The following SNX13 variants were observed in gnomAD, a reference collection of about 807,000 sequenced individuals.
SNX13 encodes the protein sorting nexin 13.
A neutral mutation model predicts 133.6 loss-of-function variants in SNX13; 45 were observed. The observed-to-expected ratio is 0.34, with a 90% CI of 0.27 to 0.43. The LOEUF (loss-of-function observed/expected upper bound fraction) is 0.43, where lower values mean the gene tolerates loss of function less well. Among genes scored for constraint, SNX13 ranks in the 20% least tolerant of loss-of-function variants. The pLI, the probability that SNX13 is intolerant of heterozygous loss-of-function variation, is 1.00. For synonymous variants in SNX13, 414 were observed against 373.9 expected, an observed-to-expected ratio of 1.11 and a Z score of -1.24; for missense variants, 1,032 against 1,145.1, an observed-to-expected ratio of 0.90 and a Z score of 1.43.
rs183153119 is a variant in SNX13, at chr7:17,912,613, T to C, written c.13-15167A>G. On this transcript the variant is annotated intron_variant, in intron 1 of 25. Transcript: ENST00000428135. ...TCTAGTAGAGACGGGGTTTACACCA[T>C]GTTGGCCAGGCTGGTCTTGAACTTC... 3.8e-4 allele frequency among the ~76,000 whole-genome samples: 58 copies of C among 152,220 alleles called. 3 individuals carry two copies. The East Asian group carries it at 0.01, about 27-fold the overall frequency.
chr7:17,858,871 C>A (rs1210196966), intron 9 of SNX13, among the ~76,000 whole-genome samples: 2 of 152,078 alleles, frequency 1.3e-5, no homozygotes, highest in African/African-American at 2.4e-5. Context: ...ATGAAAAAGT[C>A]TTTTCAACAA....
chr7:17,850,896 C>T lies in SNX13; in HGVS notation c.906G>A (p.Glu302=). The T allele has an allele frequency of 6.2e-7, 1 of 1,612,256 alleles. No individual in the cohort carries two copies. The highest frequency in any genetic ancestry group is 8.5e-7 in the Non-Finnish European group (1 of 1,179,210). Residue 302 remains glutamate, a synonymous_variant, in exon 10 of 26, where the codon GAG becomes GAA. Transcript: ENST00000428135. ...NIIKLSDNIG[E]LEAVRDKAAE... is the part of the protein sequence containing the mutation. The stretch of plus-strand genomic sequence containing the variant: ...CTGCCTTATCTCTGACTGCTTCTAG[C>T]TCTCCAATATTGTCACTCAATTTAA...
intron 1 of SNX13, among the ~76,000 whole-genome samples, chr7:17,929,961 G>A (rs1801205629): frequency 1.3e-5 from 2 of 152,132 alleles, no homozygotes; most frequent in Admixed American, 1.3e-4. Flanking sequence ...GATTACTCTT[G>A]ACATTTTAAA....
chr7:17,823,469 T>C (rs1787533113), intron 17 of SNX13, among the ~76,000 whole-genome samples: 1 of 152,194 alleles, frequency 6.6e-6, no homozygotes, highest in Non-Finnish European at 1.5e-5. Flanking sequence ...AAGTTAGGAC[T>C]CTATATTGGC....
intron 1 of SNX13, among the ~76,000 whole-genome samples, chr7:17,928,320 C>A (rs1468400796): frequency 6.6e-6 from 1 of 152,110 alleles, no homozygotes; most frequent in African/African-American, 2.4e-5. Context: ...TATAGCAAGA[C>A]CCCATCTCTA....
chr7:17,874,607 T>G (rs989046611), intron 7 of SNX13, among the ~76,000 whole-genome samples: 2 of 152,138 alleles, frequency 1.3e-5, no homozygotes, highest in African/African-American at 4.8e-5. Context: ...AATAAAAATA[T>G]TTAAAACATT....
At position 17,790,903 on chromosome 7, in the gene SNX13, G is replaced by T. The variant is rs556164221; in HGVS notation, c.*3142C>A. 12 of 152,154 alleles carry T rather than the reference G, an allele frequency of 7.9e-5. No homozygotes were observed. In the East Asian group the frequency reaches 2.3e-3, roughly 29 times the overall value. The allele number at this position is 152,154 out of a possible 1,614,324, so 9.4% of individuals were successfully genotyped here. ...AAAGAAAGAAAGTATTGATAGAACA[G>T]TTAGGCACACAGTTGACACTTACTG... On this transcript the variant is annotated 3_prime_UTR_variant, in exon 26 of 26. Coordinates refer to ENST00000428135, the MANE Select transcript of SNX13 (RefSeq NM_015132.5).
chr7:17,913,789 G>A (rs1395552818), intron 1 of SNX13, among the ~76,000 whole-genome samples: 1 of 139,732 alleles, frequency 7.2e-6, no homozygotes, highest in Non-Finnish European at 1.5e-5. Context: ...AAAAGAAGCA[G>A]CATCGGCTCC....
At position 17,801,493 on chromosome 7, in the gene SNX13, C is replaced by A; in HGVS notation, c.2298+95G>T. The A allele has an allele frequency of 3.5e-6, 3 of 850,460 alleles. No individual in the cohort carries two copies. The East Asian group carries it at 8.1e-5, about 23-fold the overall frequency. 52.7% of individuals were successfully genotyped at this position (850,460 alleles called of 1,614,324 possible). ...TCAAGCTTAACACTTATAATATGTG[C>A]ACATTAATGATACATAGAACACTTC... On this transcript the variant is annotated intron_variant, in intron 22 of 25. Coordinates refer to ENST00000428135, the MANE Select transcript of SNX13 (RefSeq NM_015132.5).
At chr7:17,838,956 C>T (rs979089611) in intron 13 of SNX13, among the ~76,000 whole-genome samples, 1 of 150,398 alleles carries the variant, frequency 6.6e-6, no homozygotes, top group African/African-American at 2.4e-5. Flanking sequence ...ATATGTATTA[C>T]AGTATTACAT....
At chr7:17,874,173 A>G (rs1794429995) in intron 7 of SNX13, among the ~76,000 whole-genome samples, 1 of 152,198 alleles carries the variant, frequency 6.6e-6, no homozygotes, top group Non-Finnish European at 1.5e-5. Flanking sequence ...AAGAGTCTGA[A>G]CTGCTCAGGT....
chr7:17,847,873 C>G (rs1790734339), intron 11 of SNX13, among the ~76,000 whole-genome samples: 1 of 152,164 alleles, frequency 6.6e-6, no homozygotes. Context: ...TCCTTTGATA[C>G]ACCTCTTCTT....
At chr7:17,840,275 A>G (rs192545521) in intron 12 of SNX13, among the ~76,000 whole-genome samples, 1 of 152,194 alleles carries the variant, frequency 6.6e-6, no homozygotes, top group East Asian at 1.9e-4. Flanking sequence ...TTTGTTACAT[A>G]AAACATTCAA....
chr7:17,913,940 T>C (rs1250575021), intron 1 of SNX13, among the ~76,000 whole-genome samples: 2 of 151,856 alleles, frequency 1.3e-5, no homozygotes, highest in Non-Finnish European at 2.9e-5. Context: ...AAATTCAGAA[T>C]ATATATGGAG....
At chr7:17,885,305 A>AT (rs1795860266) in intron 5 of SNX13, among the ~76,000 whole-genome samples, 1 of 151,884 alleles carries the variant, frequency 6.6e-6, no homozygotes, top group South Asian at 2.1e-4. Flanking sequence ...GACAAAAAAA[A>AT]AAAAAAAAGA....
At chr7:17,852,754 CAGAA>C (rs931114932) in intron 9 of SNX13, among the ~76,000 whole-genome samples, 3 of 151,976 alleles carry the variant, frequency 2.0e-5, no homozygotes, top group African/African-American at 7.3e-5. Flanking sequence ...TGTGATGGTA[CAGAA>C]AGAAAGTGTA....
intron 15 of SNX13, chr7:17,832,344 T>G (rs1482072475): frequency 5.1e-6 from 5 of 984,460 alleles, no homozygotes; most frequent in Non-Finnish European, 6.0e-6. Context: ...GAAGCATTCT[T>G]AAGTTACAGG....
At chr7:17,801,794 C>G in intron 21 of SNX13, 135 bp from the exon 22 acceptor site, 1 of 554,942 alleles carries the variant, frequency 1.8e-6, no homozygotes, top group Non-Finnish European at 3.1e-6. Context: ...ATTTAACAAT[C>G]TAAAATTTGG....
intron 5 of SNX13, chr7:17,889,147 G>A (rs1285506823): frequency 1.3e-5 from 2 of 153,644 alleles, no homozygotes; most frequent in Non-Finnish European, 2.9e-5. Context: ...AAATAAAAGA[G>A]ATTAAATTCA....
Sources: gnomAD v4.1 joint callset for allele counts (sites outside exome capture counted in the v4.1 genomes callset) on GRCh38, gnomAD v4.1.1 for gene constraint, MANE v1.5 for transcripts, NCBI Gene and HGNC (gene_info 2026-07-23, HGNC 2026-07-21) for gene names.